Variants in LHFPL3 observed in about 807,000 individuals in gnomAD.
LHFPL3 encodes LHFPL tetraspan subfamily member 3, also known as LHFPL tetraspan subfamily member 3 protein.
LHFPL3 carries 5 observed loss-of-function variants against 19.3 expected under a neutral mutation model. The observed-to-expected ratio is 0.26, with a 90% confidence interval of 0.14 to 0.54. LHFPL3 has a LOEUF of 0.54. Ranked by LOEUF, LHFPL3 falls within the 20% of genes least tolerant of loss-of-function variation. LHFPL3 has a pLI of 0.94. For missense variants in LHFPL3, 249 were observed against 307.4 expected, an observed-to-expected ratio of 0.81 and a Z score of 1.42; for synonymous variants, 133 against 126.2, an observed-to-expected ratio of 1.05 and a Z score of -0.36.
At chr7:104,711,277 G>T (rs1165578285) in intron 1 of LHFPL3, among the ~76,000 whole-genome samples, 2 of 152,206 alleles carry the variant, frequency 1.3e-5, no homozygotes. Flanking sequence ...GATGCCAGCT[G>T]CAATTTAGAT....
intron 2 of LHFPL3, among the ~76,000 whole-genome samples, chr7:104,875,734 T>C (rs955764361): frequency 3.3e-5 from 5 of 152,236 alleles, no homozygotes; most frequent in Admixed American, 2.6e-4. Flanking sequence ...AATAAAGAGA[T>C]AGGAGGATTC....
chr7:104,651,163 A>G lies in LHFPL3; in HGVS notation c.446-85512A>G, dbSNP rs146532966. The stretch of plus-strand genomic sequence containing the variant: ...TTATCAGATCTTTGAGTAAGTAGAA[A>G]ACAGGCTGCAGTTTAATGAACCACA... On this transcript the variant is annotated intron_variant, in intron 1 of 2. Coordinates refer to ENST00000424859, the MANE Select transcript of LHFPL3 (RefSeq NM_199000.3). Among the ~76,000 whole-genome samples the G allele has an allele frequency of 1.2e-3, 184 of 152,304 alleles. 2 individuals carry two copies. The highest frequency in any genetic ancestry group is 4.2e-3 in the African/African-American group (176 of 41,560).
chr7:104,756,341 G>A (rs567220274), intron 2 of LHFPL3, among the ~76,000 whole-genome samples: 2 of 152,172 alleles, frequency 1.3e-5, no homozygotes, highest in East Asian at 3.9e-4. Context: ...CAAGAGTCTG[G>A]CATCTATAAA....
intron 1 of LHFPL3, among the ~76,000 whole-genome samples, chr7:104,563,645 G>A (rs1790062960): frequency 6.6e-6 from 1 of 152,254 alleles, no homozygotes; most frequent in South Asian, 2.1e-4. Context: ...CCCGTCTTCT[G>A]TGTTGCTCAG....
intron 2 of LHFPL3, among the ~76,000 whole-genome samples, chr7:104,806,432 T>C (rs575950744): frequency 1.2e-4 from 18 of 152,370 alleles, no homozygotes; most frequent in East Asian, 5.8e-4. Flanking sequence ...AGGGATTGCA[T>C]TGAACCCCAA....
At chr7:104,483,982 A>G (rs1156799686) in intron 1 of LHFPL3, among the ~76,000 whole-genome samples, 2 of 152,224 alleles carry the variant, frequency 1.3e-5, no homozygotes, top group Non-Finnish European at 2.9e-5. Context: ...GTTAATGAAC[A>G]GAGTTGGTTT....
intron 1 of LHFPL3, among the ~76,000 whole-genome samples, chr7:104,453,717 C>T (rs1486157719): frequency 6.6e-6 from 1 of 152,080 alleles, no homozygotes; most frequent in Non-Finnish European, 1.5e-5. Context: ...GGGCGGGTCC[C>T]TCATGAATGG....
At chr7:104,349,770 A>G (rs1294486831) in intron 1 of LHFPL3, among the ~76,000 whole-genome samples, 2 of 152,308 alleles carry the variant, frequency 1.3e-5, no homozygotes, top group East Asian at 1.9e-4. Context: ...ACTTTTTGAC[A>G]TGCTATTCTA....
chr7:104,765,802 C>G (rs1190250205), intron 2 of LHFPL3, among the ~76,000 whole-genome samples: 1 of 152,186 alleles, frequency 6.6e-6, no homozygotes, highest in Non-Finnish European at 1.5e-5. Context: ...GGCATTTCCG[C>G]TCCCCACAGT....
At chr7:104,846,956 G>GA (rs1791324608) in intron 2 of LHFPL3, among the ~76,000 whole-genome samples, 1 of 152,288 alleles carries the variant, frequency 6.6e-6, no homozygotes, top group East Asian at 1.9e-4. Context: ...GTAGGATTAT[G>GA]AAAAAAGTTA....
intron 1 of LHFPL3, among the ~76,000 whole-genome samples, chr7:104,518,121 C>A (rs1233070638): frequency 6.6e-6 from 1 of 152,086 alleles, no homozygotes; most frequent in African/African-American, 2.4e-5. Flanking sequence ...ATAGGAATAA[C>A]AACAAACCAC....
intron 1 of LHFPL3, among the ~76,000 whole-genome samples, chr7:104,459,934 T>G (rs920355442): frequency 2.6e-5 from 4 of 152,184 alleles, no homozygotes; most frequent in African/African-American, 9.7e-5. Flanking sequence ...AGGGGTTTGT[T>G]GCACAGATTA....
chr7:104,574,123 T>C (rs993195278), intron 1 of LHFPL3, among the ~76,000 whole-genome samples: 9 of 152,210 alleles, frequency 5.9e-5, no homozygotes, highest in African/African-American at 1.4e-4. Context: ...TAACAAATTA[T>C]AGAAATTCCC....
chr7:104,410,206 C>T (rs1305910038), intron 1 of LHFPL3, among the ~76,000 whole-genome samples: 1 of 152,160 alleles, frequency 6.6e-6, no homozygotes, highest in African/African-American at 2.4e-5. Context: ...AATCTTGGCT[C>T]ACTGCAACCT....
chr7:104,613,295 T>C (rs1424983570), intron 1 of LHFPL3, among the ~76,000 whole-genome samples: 1 of 152,152 alleles, frequency 6.6e-6, no homozygotes, highest in Non-Finnish European at 1.5e-5. Context: ...AGGTGGAAAC[T>C]CCATAGATCA....
At chr7:104,424,421 C>A (rs2116540464) in intron 1 of LHFPL3, among the ~76,000 whole-genome samples, 1 of 152,296 alleles carries the variant, frequency 6.6e-6, no homozygotes, top group African/African-American at 2.4e-5. Context: ...ACTAGACAGC[C>A]TTTCAATTCA....
intron 1 of LHFPL3, among the ~76,000 whole-genome samples, chr7:104,373,448 CTG>C (rs1320023654): frequency 1.3e-5 from 2 of 152,116 alleles, no homozygotes; most frequent in East Asian, 3.8e-4. Context: ...TTGATGGTCA[CTG>C]TGCTATAACC....
intron 1 of LHFPL3, chr7:104,668,390 A>G: frequency 6.3e-7 from 1 of 1,592,776 alleles, no homozygotes; most frequent in Non-Finnish European, 8.6e-7. Context: ...ACCCACCTAG[A>G]AGAGGTGATG....
At chr7:104,499,373 T>G (rs537298667) in intron 1 of LHFPL3, among the ~76,000 whole-genome samples, 1 of 152,374 alleles carries the variant, frequency 6.6e-6, no homozygotes, top group Non-Finnish European at 1.5e-5. Flanking sequence ...TTTAATGTTA[T>G]GCCAAGCCTG....
Sources: gnomAD v4.1 joint callset for allele counts (sites outside exome capture counted in the v4.1 genomes callset) on GRCh38, gnomAD v4.1.1 for gene constraint, MANE v1.5 for transcripts, NCBI Gene and HGNC (gene_info 2026-07-23, HGNC 2026-07-21) for gene names.